The following SP4 variants were observed in gnomAD, a reference collection of about 807,000 sequenced individuals.
The protein encoded by SP4 is Sp4 transcription factor, also known as transcription factor Sp4.
Under a neutral mutation model 72.8 loss-of-function variants are expected in SP4, and 19 were observed. That is an observed-to-expected ratio of 0.26 (90% CI 0.18 to 0.38). SP4 has a LOEUF of 0.38. Among genes scored for constraint, SP4 ranks in the 10% least tolerant of loss-of-function variants. SP4 has a pLI of 1.00. For missense variants in SP4, 1,008 were observed against 926.3 expected (o/e 1.09, Z -1.14); for synonymous variants, 395 against 333.1 (o/e 1.19, Z -2.02).
In SP4 at chr7:21,430,234, C is replaced by T. The variant is rs540023550; in HGVS notation, c.1069C>T (p.Arg357Cys). The change falls in exon 3 of 6, where the codon CGC becomes TGC. Residue 357 changes from arginine (R) to cysteine (C), a missense_variant. This residue lies in a region of SP4 where 893 missense variants were observed against 743.3 expected (regional missense o/e 1.20). Transcript: ENST00000222584. ...AAGCACATCAGCCAGTAGTTCTGAA[C>T]GCACCATTGAAGAATCTCAAACACC... ...YASTSASSSE[R>C]TIEESQTPAA... is the part of the protein sequence containing the mutation. 4.9e-5 allele frequency: 79 copies of T among 1,614,036 alleles called. No individual in the cohort carries two copies. The East Asian group carries it at 6.0e-4, about 12-fold the overall frequency.
intron 3 of SP4, among the ~76,000 whole-genome samples, chr7:21,469,186 T>A (rs149934646): frequency 0.011 from 1,737 of 152,250 alleles, 15 homozygotes; most frequent in South Asian, 0.033. Context: ...ATTAAAATAA[T>A]TTGTAATATT....
intron 5 of SP4, among the ~76,000 whole-genome samples, chr7:21,509,703 T>C (rs780994911): frequency 1.7e-4 from 26 of 152,150 alleles, no homozygotes; most frequent in Admixed American, 5.9e-4. Flanking sequence ...AAAGAGAATG[T>C]AAAGAAAAAG....
intron 2 of SP4, chr7:21,429,042 A>G: frequency 1.7e-6 from 1 of 575,522 alleles, no homozygotes; most frequent in East Asian, 2.9e-5. Context: ...TTTTGAGTTT[A>G]GGAACATAAC....
intron 5 of SP4, among the ~76,000 whole-genome samples, chr7:21,510,483 A>G (rs938711089): frequency 6.6e-6 from 1 of 152,172 alleles, no homozygotes; most frequent in African/African-American, 2.4e-5. Flanking sequence ...ATCTTATGAA[A>G]CCTAAAAACT....
chr7:21,444,744 G>A (rs772425890), intron 3 of SP4, among the ~76,000 whole-genome samples: 5 of 152,166 alleles, frequency 3.3e-5, no homozygotes, highest in Non-Finnish European at 5.9e-5. Context: ...AGGAAACCAA[G>A]GCTATCAGAG....
rs1782680942 is a variant in SP4, at chr7:21,428,199, C to T, written c.-53C>T. 4 of 1,119,140 alleles carry T rather than the reference C, an allele frequency of 3.6e-6. No individual in the cohort carries two copies. The highest frequency in any genetic ancestry group is 4.2e-5 in the Admixed American group (2 of 47,594). 69.3% of individuals were successfully genotyped at this position (1,119,140 alleles called of 1,614,324 possible). ...TCTCCTCCCGCCTCGCCCCCACCCC[C>T]ACCCACCTCTATCCCAGTGTCTCCG... is the stretch of plus-strand genomic sequence containing the variant. On this transcript the variant is annotated 5_prime_UTR_variant, in exon 1 of 6. Transcript: ENST00000222584.
chr7:21,430,266 T>A lies in SP4; in HGVS notation c.1101T>A (p.Ala367=). ...RTIEESQTPA[A]TESEAQSSSQ... The stretch of plus-strand genomic sequence containing the variant: ...TTGAAGAATCTCAAACACCTGCTGC[T>A]ACTGAGTCTGAAGCCCAGAGCTCCA... Residue 367 remains alanine, a synonymous_variant, in exon 3 of 6, where the codon GCT becomes GCA. Coordinates refer to ENST00000222584, the MANE Select transcript of SP4 (RefSeq NM_003112.5). 1 of 1,614,264 alleles carries A rather than the reference T, an allele frequency of 6.2e-7. No homozygotes were observed. Among genetic ancestry groups the A allele is most frequent in the Non-Finnish European group, 8.5e-7 (1 of 1,180,054 alleles).
At chr7:21,442,038 ATT>A (rs11300598) in intron 3 of SP4, among the ~76,000 whole-genome samples, 1,013 of 93,290 alleles carry the variant, frequency 0.011, 8 homozygotes, top group Middle Eastern at 0.049. Context: ...GTGTGTGTGT[ATT>A]TTTTTTTTTT....
chr7:21,480,823 A>G (rs1287130897), intron 4 of SP4, among the ~76,000 whole-genome samples: 3 of 152,000 alleles, frequency 2.0e-5, no homozygotes, highest in East Asian at 1.9e-4. Flanking sequence ...AACCATCTCT[A>G]CTTTTTTTGA....
intron 3 of SP4, among the ~76,000 whole-genome samples, chr7:21,460,604 G>A (rs1396201719): frequency 6.6e-6 from 1 of 152,056 alleles, no homozygotes; most frequent in Non-Finnish European, 1.5e-5. Context: ...TTCTTATCTG[G>A]CCCCACCCAC....
intron 5 of SP4, among the ~76,000 whole-genome samples, chr7:21,504,960 T>G (rs1437388881): frequency 6.6e-6 from 1 of 152,154 alleles, no homozygotes; most frequent in African/African-American, 2.4e-5. Context: ...CCAAGGGTGA[T>G]CCACTGTTAC....
At chr7:21,445,773 C>T (rs1783402584) in intron 3 of SP4, among the ~76,000 whole-genome samples, 1 of 152,050 alleles carries the variant, frequency 6.6e-6, no homozygotes, top group Admixed American at 6.6e-5. Context: ...ATCACAAATC[C>T]TTGAGGCCAA....
At chr7:21,507,434 C>T (rs1431187494) in intron 5 of SP4, among the ~76,000 whole-genome samples, 1 of 152,166 alleles carries the variant, frequency 6.6e-6, no homozygotes, top group East Asian at 1.9e-4. Context: ...TCCTGCTGCC[C>T]CTTGATTTTC....
At position 21,514,116 on chromosome 7, in the gene SP4, T is replaced by G. The variant is rs935521618; in HGVS notation, c.*2847T>G. 6 of 152,590 alleles carry G rather than the reference T, an allele frequency of 3.9e-5. No homozygotes were observed. Among genetic ancestry groups the G allele is most frequent in the Non-Finnish European group, 8.8e-5 (6 of 68,008 alleles). The allele number at this position is 152,590 out of a possible 1,614,324, so 9.5% of individuals were successfully genotyped here. A position where few individuals can be genotyped will look rare whatever the true frequency, so the allele number is the denominator to read the frequency against. On this transcript the variant is annotated 3_prime_UTR_variant, in exon 6 of 6. Transcript: ENST00000222584. The stretch of plus-strand genomic sequence containing the variant: ...GGTAAAACTCCAGTGTTAGAATAGT[T>G]TTTTCTTACAGTATACTTTCTTTGG...
chr7:21,507,181 T>C (rs1336558000), intron 5 of SP4, among the ~76,000 whole-genome samples: 3 of 152,062 alleles, frequency 2.0e-5, no homozygotes, highest in Non-Finnish European at 4.4e-5. Context: ...CTAGGAGTGG[T>C]TTCATTTTTT....
At chr7:21,428,344 C>A in intron 1 of SP4, 86 bp downstream of exon 1, 1 of 731,912 alleles carries the variant, frequency 1.4e-6, no homozygotes, top group Non-Finnish European at 2.5e-6. Flanking sequence ...TCCCCCCTCC[C>A]CCGGGGCCGC....
rs552711952 is a variant in SP4, at chr7:21,440,107, G to A, written c.1678+9264G>A. Among the ~76,000 whole-genome samples the A allele has an allele frequency of 9.8e-5, 15 of 152,286 alleles. No individual in the cohort carries two copies. The South Asian group carries it at 1.7e-3, about 17-fold the overall frequency. On this transcript the variant is annotated intron_variant, in intron 3 of 5. Transcript: ENST00000222584. ...CAGACCACATGTACTTAGAGGCTTC[G>A]TAGAGCACAACACTAAGAATTAAAA...
chr7:21,442,881 G>A (rs1270407185), intron 3 of SP4, among the ~76,000 whole-genome samples: 8 of 152,088 alleles, frequency 5.3e-5, no homozygotes, highest in African/African-American at 1.4e-4. Flanking sequence ...GATTACAGGC[G>A]CCTGCCATCA....
chr7:21,504,277 C>T (rs768844022), intron 5 of SP4, among the ~76,000 whole-genome samples: 1 of 152,166 alleles, frequency 6.6e-6, no homozygotes, highest in Non-Finnish European at 1.5e-5. Flanking sequence ...TTTTCCCCTG[C>T]TATTTATTAG....
Sources: gnomAD v4.1 joint callset for allele counts (sites outside exome capture counted in the v4.1 genomes callset) on GRCh38, gnomAD v4.1.1 for gene constraint, gnomAD v4.1.1 regional missense constraint, MANE v1.5 for transcripts, NCBI Gene and HGNC (gene_info 2026-07-23, HGNC 2026-07-21) for gene names.